The following ASB10 variants were observed in gnomAD, a reference collection of about 807,000 sequenced individuals.
ASB10 encodes the protein ankyrin repeat and SOCS box containing 10, also known as ankyrin repeat and SOCS box protein 10.
In ASB10, 44 loss-of-function variants were observed where a neutral mutation model predicts 35.4. The ratio of observed to expected loss-of-function variants is 1.24; its 90% CI spans 0.98 to 1.60. The LOEUF is 1.60. Ranked by LOEUF, ASB10 falls within the 40% of genes most tolerant of loss-of-function variation. The pLI is 0.00. For synonymous variants in ASB10, 294 were observed against 280.4 expected (o/e 1.05, Z -0.49); for missense variants, 647 against 634.3 (o/e 1.02, Z -0.22).
intron 2 of ASB10, among the ~76,000 whole-genome samples, chr7:151,185,987 G>A (rs778889484): frequency 2.6e-5 from 4 of 152,122 alleles, no homozygotes; most frequent in Non-Finnish European, 4.4e-5. Flanking sequence ...CTGGATCACT[G>A]GACAGTAAGC....
chr7:151,186,860 C>A lies in ASB10; in HGVS notation c.271G>T (p.Asp91Tyr), dbSNP rs104886490. The A allele has an allele frequency of 2.1e-4, 339 of 1,612,116 alleles. No homozygotes were observed. The highest frequency in any genetic ancestry group is 3.3e-4 in the Middle Eastern group (2 of 6,080). Residue 91 changes from aspartate (D) to tyrosine (Y), a missense_variant, in exon 1 of 6, where the codon GAC becomes TAC. Physicochemically the swap from Asp to Tyr is radical, Grantham distance 160. Transcript: ENST00000420175. ...CGGAAATCCCTCCATCGCTCTGGGT[C>A]GCTGGTATCAAAGACGGAATCAGGA... ...LAPDSVFDTS[D>Y]PERWRDFRFN...
chr7:151,176,130 A>C lies in ASB10; in HGVS notation c.1386T>G (p.Phe462Leu), dbSNP rs1801381446. ...GGCTCACCTAGTAGAGCACGCCCTC[A>C]AAATCCAGCTGCAGGTAGCGGAGCA... is the stretch of plus-strand genomic sequence containing the variant. ...PRLLRYLQLD[F>L]EGVLY The change falls in exon 5 of 6, where the codon TTT (phenylalanine) becomes TTG (leucine). Residue 462 changes from phenylalanine to leucine, a missense_variant. Coordinates refer to ENST00000420175, the MANE Select transcript of ASB10 (RefSeq NM_001142459.2). 13 of 1,611,512 alleles carry C rather than the reference A, an allele frequency of 8.1e-6. No individual in the cohort carries two copies. Among genetic ancestry groups the C allele is most frequent in the Non-Finnish European group, 1.1e-5 (13 of 1,179,782 alleles).
chr7:151,176,389 T>C (rs977669835), intron 4 of ASB10, 92 bp from the exon 5 acceptor site: 49 of 1,479,268 alleles, frequency 3.3e-5, no homozygotes, highest in Non-Finnish European at 4.3e-5. Flanking sequence ...GGGTGGGGCA[T>C]CTACCGGAAG....
chr7:151,175,993 G>T, intron 5 of ASB10, 27 bp from the exon 6 acceptor site: 2 of 1,249,048 alleles, frequency 1.6e-6, no homozygotes, highest in Non-Finnish European at 2.2e-6. Context: ...GGATTCAGAG[G>T]CTTCTGGTGG....
In ASB10 at chr7:151,176,657, G is replaced by A. The variant is rs373724579; in HGVS notation, c.1124C>T (p.Thr375Met). ...CAGGACCTCGATGGTCCGAGGGCACGTGCTCCAGCGCTCCAGCACCTGTGG... is the reference window on the plus strand; with the variant it reads ...CAGGACCTCGATGGTCCGAGGGCACATGCTCCAGCGCTCCAGCACCTGTGG... Reference protein sequence around the residue: ...ALPKVLERWSTCPRTIEVLMN... With the variant: ...ALPKVLERWSMCPRTIEVLMN... Residue 375 changes from threonine (T) to methionine (M), a missense_variant, in exon 4 of 6, where the codon ACG (threonine) becomes ATG (methionine). Thr to Met is a moderately conservative substitution (Grantham distance 81). Transcript: ENST00000420175. 25 of 1,551,230 alleles carry A rather than the reference G, an allele frequency of 1.6e-5. No homozygotes were observed. The highest frequency in any genetic ancestry group is 7.3e-5 in the East Asian group (3 of 40,918).
intron 2 of ASB10, among the ~76,000 whole-genome samples, chr7:151,184,011 A>G (rs1159051270): frequency 6.6e-6 from 1 of 152,258 alleles, no homozygotes; most frequent in Non-Finnish European, 1.5e-5. Flanking sequence ...GATTACTCCC[A>G]ATAGCCAAAA....
intron 2 of ASB10, among the ~76,000 whole-genome samples, chr7:151,185,349 C>G (rs1165412633): frequency 1.3e-5 from 2 of 151,922 alleles, no homozygotes; most frequent in East Asian, 1.9e-4. Flanking sequence ...GAACTCCTGG[C>G]CTCAAGCAAG....
At chr7:151,180,197 C>A (rs1045299415) in intron 3 of ASB10, among the ~76,000 whole-genome samples, 1 of 152,224 alleles carries the variant, frequency 6.6e-6, no homozygotes, top group African/African-American at 2.4e-5. Context: ...TATCTATGCC[C>A]CTCCAGACAC....
chr7:151,185,070 T>C (rs1345547123), intron 2 of ASB10, among the ~76,000 whole-genome samples: 4 of 151,758 alleles, frequency 2.6e-5, no homozygotes, highest in African/African-American at 9.7e-5. Context: ...AAATTTCATG[T>C]ATATTTTACC....
upstream of ASB10, chr7:151,187,515 T>A: frequency 6.4e-7 from 1 of 1,551,418 alleles, no homozygotes; most frequent in Non-Finnish European, 8.7e-7. The surrounding 1 kb of genome is among the most constrained non-coding windows in gnomAD (Gnocchi z 5.3). Flanking sequence ...TCGGCTGTGC[T>A]GTGCGGGGGG....
chr7:151,178,355 C>T (rs534717085), intron 3 of ASB10, among the ~76,000 whole-genome samples: 8 of 152,314 alleles, frequency 5.3e-5, no homozygotes, highest in Admixed American at 3.9e-4. Context: ...GTGCAGCAAG[C>T]GGGCAAGCCA....
rs1232164632 is a variant in ASB10 at position 151,176,653 on chromosome 7, G to A, written c.1128C>T (p.Cys376=). ...TCATCAGGACCTCGATGGTCCGAGGGCACGTGCTCCAGCGCTCCAGCACCT... is the reference window on the plus strand; with the variant it reads ...TCATCAGGACCTCGATGGTCCGAGGACACGTGCTCCAGCGCTCCAGCACCT... ...LPKVLERWST[C]PRTIEVLMNT... is the part of the protein sequence containing the mutation. Residue 376 remains cysteine, a synonymous_variant, in exon 4 of 6, where the codon TGC becomes TGT. Transcript: ENST00000420175. 3 of 1,551,262 alleles carry A rather than the reference G, an allele frequency of 1.9e-6. No individual in the cohort carries two copies. In the African/African-American group the frequency reaches 4.1e-5, roughly 21 times the overall value.
upstream of ASB10, chr7:151,187,705 G>A (rs1261907430): frequency 6.8e-7 from 1 of 1,474,346 alleles, no homozygotes; most frequent in South Asian, 1.4e-5. The surrounding 1 kb of genome is among the most constrained non-coding windows in gnomAD (Gnocchi z 5.3). Context: ...GGGGAGAGGA[G>A]TTCTTTCCCC....
At chr7:151,182,274 G>T (rs546326177) in intron 2 of ASB10, among the ~76,000 whole-genome samples, 1 of 152,114 alleles carries the variant, frequency 6.6e-6, no homozygotes, top group African/African-American at 2.4e-5. Context: ...ATGGGGCAGT[G>T]GGATAAAGAA....
In ASB10 at chr7:151,181,283, C is replaced by A; in HGVS notation, c.760G>T (p.Ala254Ser). Residue 254 changes from alanine to serine, a missense_variant, in exon 3 of 6, where the codon GCT (alanine) becomes TCT (serine). Physicochemically the swap from Ala to Ser is moderately conservative, Grantham distance 99. Transcript: ENST00000420175. ...GACTGGCAGCGGACGTCACAGGCAGCCAGCAGTGGGGTCCAGCCTTCGGCA... is the reference window on the plus strand; with the variant it reads ...GACTGGCAGCGGACGTCACAGGCAGACAGCAGTGGGGTCCAGCCTTCGGCA... ...RNAEGWTPLL[A>S]ACDVRCQSIT... 1 of 1,613,162 alleles carries A rather than the reference C, an allele frequency of 6.2e-7. No homozygotes were observed. Among genetic ancestry groups the A allele is most frequent in the Non-Finnish European group, 8.5e-7 (1 of 1,180,004 alleles).
At chr7:151,187,441 A>G, upstream of ASB10, 2 of 1,551,126 alleles carry the variant, frequency 1.3e-6, no homozygotes, top group Non-Finnish European at 1.7e-6. This position sits in a 1 kb window ranked among gnomAD's most constrained non-coding sequence, Gnocchi z 5.3. Flanking sequence ...CAACCCCCAG[A>G]TGCCCCTCAC....
In ASB10 at chr7:151,181,371, C is replaced by T. The variant is rs1801489313; in HGVS notation, c.672G>A (p.Arg224=). 1.2e-6 allele frequency: 2 copies of T among 1,612,900 alleles called. No individual in the cohort carries two copies. The highest frequency in any genetic ancestry group is 1.7e-6 in the Non-Finnish European group (2 of 1,179,928). Residue 224 remains arginine, a synonymous_variant, in exon 3 of 6, where the codon CGG becomes CGA. Coordinates refer to ENST00000420175, the MANE Select transcript of ASB10 (RefSeq NM_001142459.2). Reference sequence around the variant, plus strand: ...GATCTGCCAGCTCCACATGGCCAAGCCGGGCGGCCACATGCAAAGGGGTCT... The same window carrying T: ...GATCTGCCAGCTCCACATGGCCAAGTCGGGCGGCCACATGCAAAGGGGTCT... ...EEETPLHVAA[R]LGHVELADLL...
At chr7:151,187,779 G>A, upstream of ASB10, 1 of 1,445,094 alleles carries the variant, frequency 6.9e-7, no homozygotes, top group South Asian at 1.5e-5. The surrounding 1 kb of genome is among the most constrained non-coding windows in gnomAD (Gnocchi z 5.3). Flanking sequence ...CTGGTGGACT[G>A]GGCAGGTGGG....
At chr7:151,176,465 T>G (rs1801390473) in intron 4 of ASB10, 98 bp downstream of exon 4, 2 of 1,473,454 alleles carry the variant, frequency 1.4e-6, no homozygotes, top group Admixed American at 2.4e-5. Flanking sequence ...GGGACATGAG[T>G]GCATCTTTGG....
Sources: allele counts gnomAD v4.1 joint callset (sites outside exome capture counted in the v4.1 genomes callset), GRCh38; gene constraint gnomAD v4.1.1; non-coding constraint Gnocchi (gnomAD v3.1); transcripts MANE v1.5; gene names NCBI Gene and HGNC (gene_info 2026-07-23, HGNC 2026-07-21).